Variants in NSD2 observed in about 807,000 individuals in gnomAD.
The protein encoded by NSD2 is histone-lysine N-methyltransferase NSD2.
NSD2 carries 12 observed loss-of-function variants against 139.0 expected under a neutral mutation model. The ratio of observed to expected loss-of-function variants is 0.09; its 90% CI spans 0.06 to 0.14. NSD2 has a LOEUF of 0.14. Ranked by LOEUF, NSD2 falls within the 10% of genes least tolerant of loss-of-function variation. NSD2 has a pLI of 1.00. For synonymous variants in NSD2, 669 were observed against 648.7 expected (o/e 1.03, Z -0.48); for missense variants, 1,155 against 1,745.0 (o/e 0.66, Z 6.02).
At chr4:1,901,856 C>T (rs917454667) in intron 2 of NSD2, among the ~76,000 whole-genome samples, 8 of 152,220 alleles carry the variant, frequency 5.3e-5, no homozygotes, top group Non-Finnish European at 1.0e-4. Flanking sequence ...CAGAGCCCAG[C>T]ACACTGAACA....
chr4:1,908,298 C>A (rs1038906845), intron 3 of NSD2, among the ~76,000 whole-genome samples: 1 of 152,234 alleles, frequency 6.6e-6, no homozygotes, highest in African/African-American at 2.4e-5. Flanking sequence ...TACTAAAGAT[C>A]TGTGTACAGA....
At position 1,979,072 on chromosome 4, in the gene NSD2, C is replaced by A. The variant is rs929387638; in HGVS notation, c.*163C>A. On this transcript the variant is annotated 3_prime_UTR_variant, in exon 22 of 22. Coordinates refer to ENST00000508803, the MANE Select transcript of NSD2 (RefSeq NM_001042424.3). ...GAGCGCCTCCCCACCACTGAGCCAT[C>A]CTCAGCAGCGTCCGCTGCGTCTGCA... The A allele has an allele frequency of 3.7e-5, 33 of 881,958 alleles. No individual in the cohort carries two copies. Among genetic ancestry groups the A allele is most frequent in the Non-Finnish European group, 5.3e-5 (33 of 618,222 alleles). The allele number at this position is 881,958 out of a possible 1,614,324, so 54.6% of individuals were successfully genotyped here. A position where few individuals can be genotyped will look rare whatever the true frequency, so the allele number is the denominator to read the frequency against.
In NSD2 at chr4:1,938,603, G is replaced by C; in HGVS notation, c.1756+71G>C. On this transcript the variant is annotated intron_variant, in intron 8 of 21. Transcript: ENST00000508803. The stretch of plus-strand genomic sequence containing the variant: ...GCTGGGCTGGGTGGGTGGGCTGAGA[G>C]TGTGAAAGGGGAAGGCTGGGGCTGG... 3 of 1,248,190 alleles carry C rather than the reference G, an allele frequency of 2.4e-6. No homozygotes were observed. The South Asian group carries it at 3.8e-5, about 16-fold the overall frequency. 77.3% of individuals were successfully genotyped at this position (1,248,190 alleles called of 1,614,324 possible).
At chr4:1,957,050 CAA>C (rs943103264) in intron 15 of NSD2, among the ~76,000 whole-genome samples, 17 of 152,188 alleles carry the variant, frequency 1.1e-4, no homozygotes, top group African/African-American at 4.1e-4. Context: ...CGACTGTCGG[CAA>C]AGTCTCCTAA....
In NSD2 at chr4:1,956,260, A is replaced by G. The variant is rs508436; in HGVS notation, c.2881+72A>G. The G allele has an allele frequency of 5.8e-6, 8 of 1,371,620 alleles. No individual in the cohort carries two copies. The African/African-American group carries it at 1.0e-4, about 17-fold the overall frequency. 85.0% of individuals were successfully genotyped at this position (1,371,620 alleles called of 1,614,324 possible). ...TTCTTACCCCTAATTTCTATTTTTT[A>G]AAATTTGATCTTTATAGAAAATACT... is the stretch of plus-strand genomic sequence containing the variant. On this transcript the variant is annotated intron_variant, in intron 15 of 21. Transcript: ENST00000508803. The surrounding 1 kb of genome is among the most constrained non-coding windows in gnomAD (Gnocchi z 5.3).
intron 5 of NSD2, among the ~76,000 whole-genome samples, chr4:1,924,216 G>C (rs1044022320): frequency 6.6e-6 from 1 of 152,176 alleles, no homozygotes; most frequent in Admixed American, 6.5e-5. Context: ...TCAGCAATGT[G>C]TGTACAGCCA....
intron 5 of NSD2, among the ~76,000 whole-genome samples, chr4:1,927,997 C>T (rs1177098321): frequency 6.6e-6 from 1 of 151,958 alleles, no homozygotes; most frequent in African/African-American, 2.4e-5. Flanking sequence ...TGCAGTGATG[C>T]TTCCACCTCC....
chr4:1,887,585 C>T (rs1410090615), intron 1 of NSD2: 1 of 152,548 alleles, frequency 6.6e-6, no homozygotes, highest in Non-Finnish European at 1.5e-5. Flanking sequence ...AAGCAGTCCT[C>T]CTACTTCAGG....
intron 18 of NSD2, among the ~76,000 whole-genome samples, chr4:1,967,373 T>TA (rs1725996833): frequency 1.3e-5 from 2 of 151,910 alleles, no homozygotes; most frequent in Admixed American, 1.3e-4. Flanking sequence ...AGGTCAGGAG[T>TA]TCGAGACCAG....
Position 1,956,287 on chromosome 4 carries a change from G to A in NSD2, c.2881+99G>A. ...AATTTGATCTTTATAGAAAATACTG[G>A]ACTAAGCATTCAATCTGTTTTTTTA... On this transcript the variant is annotated intron_variant, in intron 15 of 21. Coordinates refer to ENST00000508803, the MANE Select transcript of NSD2 (RefSeq NM_001042424.3). This position sits in a 1 kb window ranked among gnomAD's most constrained non-coding sequence, Gnocchi z 5.3. 9.4e-7 allele frequency: 1 copy of A among 1,059,666 alleles called. No individual in the cohort carries two copies. Among genetic ancestry groups the A allele is most frequent in the Non-Finnish European group, 1.3e-6 (1 of 761,654 alleles). 65.6% of individuals were successfully genotyped at this position (1,059,666 alleles called of 1,614,324 possible).
Position 1,942,557 on chromosome 4 carries a change from A to G in NSD2, c.1881+2779A>G, listed in dbSNP as rs571723898. On this transcript the variant is annotated intron_variant, in intron 9 of 21. Transcript: ENST00000508803. This position sits in a 1 kb window ranked among gnomAD's most constrained non-coding sequence, Gnocchi z 4.0. ...ATGAAGAAAACAGATAACAAATTTT[A>G]AGACCAAGGTAAGATAACTAATCAA... The G allele has an allele frequency of 1.4e-6, 2 of 1,387,146 alleles. No individual in the cohort carries two copies. Among genetic ancestry groups the G allele is most frequent in the Admixed American group, 6.3e-5 (2 of 31,520 alleles). 85.9% of individuals were successfully genotyped at this position (1,387,146 alleles called of 1,614,324 possible).
At chr4:1,953,927 C>G (rs971870198) in intron 12 of NSD2, among the ~76,000 whole-genome samples, 3 of 151,828 alleles carry the variant, frequency 2.0e-5, no homozygotes, top group African/African-American at 7.3e-5. Flanking sequence ...CCTCCTGCCT[C>G]AGCCTCCTGA....
chr4:1,938,009 C>CT (rs1722604893), intron 7 of NSD2, among the ~76,000 whole-genome samples: 1 of 152,192 alleles, frequency 6.6e-6, no homozygotes, highest in South Asian at 2.1e-4. Context: ...AGGGCTGAGT[C>CT]TAACTTGATT....
rs561764172 is a variant in NSD2 at position 1,940,884 on chromosome 4, T to G, written c.1881+1106T>G. ...GGCGGGGCTCATAGAGCTCTGCGGC[T>G]TGCCACTCTGAATCCTCAGCGACCA... On this transcript the variant is annotated intron_variant, in intron 9 of 21. Coordinates refer to ENST00000508803, the MANE Select transcript of NSD2 (RefSeq NM_001042424.3). 7.6e-6 allele frequency: 8 copies of G among 1,057,828 alleles called. No homozygotes were observed. The East Asian group carries it at 3.7e-4, about 48-fold the overall frequency. The allele number at this position is 1,057,828 out of a possible 1,614,324, so 65.5% of individuals were successfully genotyped here. A position where few individuals can be genotyped will look rare whatever the true frequency, so the allele number is the denominator to read the frequency against.
chr4:1,962,350 A>G (rs910582474), intron 18 of NSD2, among the ~76,000 whole-genome samples: 1 of 152,218 alleles, frequency 6.6e-6, no homozygotes, highest in African/African-American at 2.4e-5. Flanking sequence ...TGGGATGAGG[A>G]GCTATAAAGT....
Position 1,974,072 on chromosome 4 carries a change from C to T in NSD2, c.3373-791C>T, listed in dbSNP as rs1034594722. On this transcript the variant is annotated intron_variant, in intron 18 of 21. Coordinates refer to ENST00000508803, the MANE Select transcript of NSD2 (RefSeq NM_001042424.3). The surrounding 1 kb of genome is among the most constrained non-coding windows in gnomAD (Gnocchi z 4.0). Reference sequence around the variant, plus strand: ...TCCTGCCGGCCCTGCAGCCACCCCTCATCTCAGCCAACGCCACATCAGCGC... The same window carrying T: ...TCCTGCCGGCCCTGCAGCCACCCCTTATCTCAGCCAACGCCACATCAGCGC... Among the ~76,000 whole-genome samples the T allele has an allele frequency of 5.3e-5, 8 of 152,202 alleles. No homozygotes were observed. Among genetic ancestry groups the T allele is most frequent in the African/African-American group, 1.9e-4 (8 of 41,446 alleles).
rs1387782219 is a variant in NSD2 at position 1,975,364 on chromosome 4, C to G, written c.3585C>G (p.Ala1195=). The part of the protein sequence containing the change: ...GNEKTVCRCG[A]SNCSGFLGDR... ...AAAAAACGGTCTGCCGGTGTGGAGC[C>G]TCCAATTGCAGTGGATTCCTCGGGG... is the stretch of plus-strand genomic sequence containing the variant. Residue 1195 remains alanine (A), a synonymous_variant, in exon 20 of 22, where the codon GCC becomes GCG. Coordinates refer to ENST00000508803, the MANE Select transcript of NSD2 (RefSeq NM_001042424.3). The G allele has an allele frequency of 6.2e-7, 1 of 1,614,192 alleles. No individual in the cohort carries two copies. Among genetic ancestry groups the G allele is most frequent in the Non-Finnish European group, 8.5e-7 (1 of 1,180,054 alleles).
At chr4:1,940,581 C>G (rs1354907213) in intron 9 of NSD2, 2 of 1,063,724 alleles carry the variant, frequency 1.9e-6, no homozygotes, top group Non-Finnish European at 2.3e-6. Flanking sequence ...GTTTTAATTT[C>G]TTGTTATTTG....
chr4:1,970,007 C>G (rs1218842501), intron 18 of NSD2, among the ~76,000 whole-genome samples: 1 of 152,066 alleles, frequency 6.6e-6, no homozygotes, highest in Non-Finnish European at 1.5e-5. Context: ...GGGGAGTGAG[C>G]AGAGTGCAGC....
Sources: allele counts gnomAD v4.1 joint callset (sites outside exome capture counted in the v4.1 genomes callset), GRCh38; gene constraint gnomAD v4.1.1; non-coding constraint Gnocchi (gnomAD v3.1); transcripts MANE v1.5; gene names NCBI Gene and HGNC (gene_info 2026-07-23, HGNC 2026-07-21).